Variants in SLC44A1 observed in about 807,000 individuals in gnomAD.
The protein encoded by SLC44A1 is solute carrier family 44 member 1, also known as choline transporter-like protein 1.
SLC44A1 carries 26 observed loss-of-function variants against 79.3 expected under a neutral mutation model. That is an observed-to-expected ratio of 0.33 (90% CI 0.24 to 0.46). The LOEUF (loss-of-function observed/expected upper bound fraction) is 0.46, where lower values mean the gene tolerates loss of function less well. SLC44A1 is among the 20% of genes least tolerant of loss of function. The pLI is 1.00. For synonymous variants in SLC44A1, 263 were observed against 286.2 expected, an observed-to-expected ratio of 0.92 and a Z score of 0.82; for missense variants, 688 against 798.1, an observed-to-expected ratio of 0.86 and a Z score of 1.66.
chr9:105,421,363 G>C (rs12349041), intron 15 of SLC44A1, among the ~76,000 whole-genome samples: 6,343 of 152,090 alleles, frequency 0.042, 433 homozygotes, highest in African/African-American at 0.14. Flanking sequence ...GACAGAGAGT[G>C]GTTCCCATTT....
chr9:105,279,078 C>G (rs1830283607), intron 1 of SLC44A1, among the ~76,000 whole-genome samples: 1 of 151,792 alleles, frequency 6.6e-6, no homozygotes, highest in Non-Finnish European at 1.5e-5. Flanking sequence ...AGATCTACCT[C>G]CTTATTGATA....
chr9:105,412,466 A>G (rs1292747016), intron 15 of SLC44A1, among the ~76,000 whole-genome samples: 1 of 152,226 alleles, frequency 6.6e-6, no homozygotes, highest in Admixed American at 6.5e-5. Context: ...TAATCAGCCA[A>G]GTCTTCAAGT....
chr9:105,335,809 T>G (rs1044362771), intron 4 of SLC44A1, 110 bp downstream of exon 4: 1 of 1,049,852 alleles, frequency 9.5e-7, no homozygotes, highest in African/African-American at 1.6e-5. Context: ...ATAATTGAAG[T>G]AATTTTGGAC....
At position 105,256,741 on chromosome 9, in the gene SLC44A1, T is replaced by TTTTTATTTTATTTTATTTTA. The variant is rs59529626; in HGVS notation, c.36+11875_36+11894dup. Among the ~76,000 whole-genome samples, 172 of 130,912 alleles carry TTTTTATTTTATTTTATTTTA rather than the reference T, an allele frequency of 1.3e-3. 3 individuals are homozygous for TTTTTATTTTATTTTATTTTA. The highest frequency in any genetic ancestry group is 4.0e-3 in the African/African-American group (144 of 35,818). 85.9% of individuals were successfully genotyped at this position (130,912 alleles called of 152,430 possible). ...CCACGCCCAGCTAATTTTTGTATTA[T>TTTTTATTTTATTTTATTTTA]TTTTATTTTATTTTATTTTATTTTA... On this transcript the variant is annotated intron_variant, in intron 1 of 15. Coordinates refer to ENST00000374720, the MANE Select transcript of SLC44A1 (RefSeq NM_080546.5).
Position 105,385,402 on chromosome 9 carries a change from A to T in SLC44A1, c.1870-20A>T. 2 of 1,524,850 alleles carry T rather than the reference A, an allele frequency of 1.3e-6. No individual in the cohort carries two copies. The highest frequency in any genetic ancestry group is 1.8e-6 in the Non-Finnish European group (2 of 1,115,600). The allele number at this position is 1,524,850 out of a possible 1,614,324, so 94.5% of individuals were successfully genotyped here. ...CTGAAAGGACCCAAGAATTTATTCA[A>T]TATGGTCCATATTTTGCAGGAGTTT... is the stretch of plus-strand genomic sequence containing the variant. On this transcript the variant is annotated intron_variant, in intron 14 of 15. Transcript: ENST00000374720.
chr9:105,254,419 C>T (rs895757069), intron 1 of SLC44A1, among the ~76,000 whole-genome samples: 3 of 152,168 alleles, frequency 2.0e-5, no homozygotes, highest in African/African-American at 7.2e-5. Flanking sequence ...CAGGACTTCC[C>T]TCTGAGTCAA....
intron 15 of SLC44A1, among the ~76,000 whole-genome samples, chr9:105,410,221 A>G (rs1400624981): frequency 1.8e-4 from 27 of 152,184 alleles, no homozygotes; most frequent in Admixed American, 1.8e-3. Flanking sequence ...TGAAAGAAAA[A>G]TAGATAAATT....
At chr9:105,352,015 C>T (rs1214886557) in intron 5 of SLC44A1, among the ~76,000 whole-genome samples, 1 of 152,172 alleles carries the variant, frequency 6.6e-6, no homozygotes, top group Non-Finnish European at 1.5e-5. Flanking sequence ...AATCCTAACA[C>T]TTTGGGAGAC....
rs554203910 is a variant in SLC44A1 at position 105,386,381 on chromosome 9, A to G, written c.1950+879A>G. 3 of 971,260 alleles carry G rather than the reference A, an allele frequency of 3.1e-6. No individual in the cohort carries two copies. The African/African-American group carries it at 5.3e-5, about 17-fold the overall frequency. The allele number at this position is 971,260 out of a possible 1,614,324, so 60.2% of individuals were successfully genotyped here. A position where few individuals can be genotyped will look rare whatever the true frequency, so the allele number is the denominator to read the frequency against. ...ATATAATTGTCTGCATCCTTAAATA[A>G]TTTTAAACAATGTGTCCCCTGACTG... is the stretch of plus-strand genomic sequence containing the variant. On this transcript the variant is annotated intron_variant, in intron 15 of 15. Coordinates refer to ENST00000374720, the MANE Select transcript of SLC44A1 (RefSeq NM_080546.5).
chr9:105,408,211 A>T (rs185216134), intron 15 of SLC44A1, among the ~76,000 whole-genome samples: 84 of 152,296 alleles, frequency 5.5e-4, no homozygotes, highest in Non-Finnish European at 1.2e-4. Flanking sequence ...TTCTCATACA[A>T]ACAAAAGTTG....
rs1295958980 is a variant in SLC44A1 at position 105,374,605 on chromosome 9, A to T, written c.1502A>T (p.Tyr501Phe). ...KCLNYLNQNAYTATAINSTNF... is the reference protein window; with the variant it reads ...KCLNYLNQNAFTATAINSTNF... ...GTTTTTGCTTTTGTCCAGAATGCAT[A>T]CACAGCCACAGCTATCAACAGCACC... Residue 501 changes from tyrosine to phenylalanine, a missense_variant, in exon 13 of 16, where the codon TAC becomes TTC. Coordinates refer to ENST00000374720, the MANE Select transcript of SLC44A1 (RefSeq NM_080546.5). 12 of 1,611,548 alleles carry T rather than the reference A, an allele frequency of 7.4e-6. No homozygotes were observed. The East Asian group carries it at 2.7e-4, about 36-fold the overall frequency.
At chr9:105,435,999 A>G (rs1829459482) in intron 15 of SLC44A1, among the ~76,000 whole-genome samples, 1 of 152,210 alleles carries the variant, frequency 6.6e-6, no homozygotes, top group Non-Finnish European at 1.5e-5. Flanking sequence ...GGAGTTTGTG[A>G]CCAGCCTGGC....
At position 105,387,054 on chromosome 9, in the gene SLC44A1, A is replaced by ATATATATAT. The variant is rs1288535198; in HGVS notation, c.1950+1552_1950+1553insTATATATAT. On this transcript the variant is annotated intron_variant, in intron 15 of 15. Transcript: ENST00000374720. ...ACTCCATCTCAAAAAAAAAAAAAAA[A>ATATATATAT]AAAAAAATATATATATATATGATAT... Among the ~76,000 whole-genome samples, 17 of 1,826 alleles carry ATATATATAT rather than the reference A, an allele frequency of 9.3e-3. 1 individual carries two copies. Among genetic ancestry groups the ATATATATAT allele is most frequent in the African/African-American group, 0.012 (17 of 1,362 alleles). 1.2% of individuals were successfully genotyped at this position (1,826 alleles called of 152,430 possible). A position where few individuals can be genotyped will look rare whatever the true frequency, so the allele number is the denominator to read the frequency against.
chr9:105,428,999 C>T (rs894585565), intron 15 of SLC44A1, among the ~76,000 whole-genome samples: 5 of 152,204 alleles, frequency 3.3e-5, no homozygotes, highest in East Asian at 1.9e-4. Context: ...CCACCACACC[C>T]GGCCGGTTAT....
In SLC44A1 at chr9:105,389,828, T is replaced by C; in HGVS notation, c.*772T>C. The C allele has an allele frequency of 7.0e-7, 1 of 1,438,322 alleles. No individual in the cohort carries two copies. Among genetic ancestry groups the C allele is most frequent in the South Asian group, 1.6e-5 (1 of 63,266 alleles). 89.1% of individuals were successfully genotyped at this position (1,438,322 alleles called of 1,614,324 possible). ...TGACTTTAGTAGCATCCTCCACACA[T>C]TTGTGTGCCTGATTTGAAAGGAAGC... On this transcript the variant is annotated 3_prime_UTR_variant, in exon 16 of 16. Transcript: ENST00000374720.
intron 3 of SLC44A1, among the ~76,000 whole-genome samples, chr9:105,321,931 C>T (rs1826406608): frequency 6.6e-6 from 1 of 151,936 alleles, no homozygotes; most frequent in Non-Finnish European, 1.5e-5. Context: ...GTTAAGATCC[C>T]AGTAGGATGT....
chr9:105,415,038 G>A (rs1829149938), intron 15 of SLC44A1, among the ~76,000 whole-genome samples: 1 of 152,132 alleles, frequency 6.6e-6, no homozygotes, highest in Admixed American at 6.5e-5. Context: ...GACTTTACTG[G>A]GTTCTATGGT....
chr9:105,416,447 A>T (rs1260360028), intron 15 of SLC44A1, among the ~76,000 whole-genome samples: 2 of 152,068 alleles, frequency 1.3e-5, no homozygotes, highest in Non-Finnish European at 2.9e-5. Context: ...AGAAGTGTGT[A>T]TAATGTGTCA....
At chr9:105,289,615 A>G (rs1830556928) in intron 1 of SLC44A1, among the ~76,000 whole-genome samples, 1 of 152,212 alleles carries the variant, frequency 6.6e-6, no homozygotes, top group Non-Finnish European at 1.5e-5. Context: ...CCACTGTCGT[A>G]GAACTGAACA....
Sources: allele counts gnomAD v4.1 joint callset (sites outside exome capture counted in the v4.1 genomes callset), GRCh38; gene constraint gnomAD v4.1.1; transcripts MANE v1.5; gene names NCBI Gene and HGNC (gene_info 2026-07-23, HGNC 2026-07-21).